The following PPEF2 variants were observed in gnomAD, a reference collection of about 807,000 sequenced individuals.
The protein encoded by PPEF2 is serine/threonine-protein phosphatase with EF-hands 2.
PPEF2 carries 84 observed loss-of-function variants against 84.7 expected under a neutral mutation model. The observed-to-expected ratio is 0.99, with a 90% CI of 0.83 to 1.19. The LOEUF (loss-of-function observed/expected upper bound fraction) is 1.19, where lower values mean the gene tolerates loss of function less well. Ranked by LOEUF, PPEF2 falls within the 50% of genes most tolerant of loss-of-function variation. The pLI, the probability that PPEF2 is intolerant of heterozygous loss-of-function variation, is 0.00. For synonymous variants in PPEF2, 346 were observed against 345.2 expected (o/e 1.00, Z -0.03); for missense variants, 924 against 937.5 (o/e 0.99, Z 0.19).
intron 4 of PPEF2, 98 bp downstream of exon 4, chr4:75,891,550 A>C: frequency 7.3e-7 from 1 of 1,362,814 alleles, no homozygotes; most frequent in Non-Finnish European, 1.0e-6. Flanking sequence ...CCTGGCTGTC[A>C]CCAGATTCAC....
intron 16 of PPEF2, among the ~76,000 whole-genome samples, chr4:75,863,186 T>C (rs1386656690): frequency 6.6e-6 from 1 of 151,890 alleles, no homozygotes; most frequent in Admixed American, 6.6e-5. Context: ...TGAGATTTCT[T>C]TCTGGGGTGA....
At chr4:75,885,751 C>G (rs368077878) in intron 7 of PPEF2, among the ~76,000 whole-genome samples, 1 of 152,050 alleles carries the variant, frequency 6.6e-6, no homozygotes, top group African/African-American at 2.4e-5. Context: ...TGGCTCACAC[C>G]GGTAATCCCA....
intron 5 of PPEF2, 40 bp from the exon 6 acceptor site, chr4:75,888,368 G>A: frequency 6.9e-7 from 1 of 1,456,396 alleles, no homozygotes; most frequent in Non-Finnish European, 9.6e-7. Context: ...AAACAACACT[G>A]ATATTCGTGA....
chr4:75,877,386 G>GAA (rs33913831), intron 10 of PPEF2, among the ~76,000 whole-genome samples: 10,215 of 150,496 alleles, frequency 0.068, 1,175 homozygotes, highest in African/African-American at 0.23. Context: ...AAGAGAGAAA[G>GAA]AAAGAAGAGG....
At chr4:75,888,810 A>C (rs1351998107) in intron 5 of PPEF2, among the ~76,000 whole-genome samples, 4 of 152,240 alleles carry the variant, frequency 2.6e-5, no homozygotes, top group African/African-American at 9.6e-5. Context: ...GTTCCAAGCC[A>C]CTGTCATCTT....
intron 10 of PPEF2, among the ~76,000 whole-genome samples, chr4:75,878,400 T>C (rs1048850212): frequency 6.6e-6 from 1 of 152,294 alleles, no homozygotes; most frequent in East Asian, 1.9e-4. Context: ...ATATCCACAA[T>C]AAAGGGCTTG....
intron 2 of PPEF2, among the ~76,000 whole-genome samples, chr4:75,893,994 C>T (rs1010108737): frequency 5.3e-5 from 8 of 152,024 alleles, no homozygotes; most frequent in African/African-American, 1.9e-4. Context: ...TTTTTAATAG[C>T]ACAATGCAAA....
In PPEF2 at chr4:75,890,002, CAGG is replaced by C. The variant is rs1560487336; in HGVS notation, c.369_371del (p.Leu124del). ...CTACCAGGGCAGTTGCATGGTCAGGCAGGAGTGGGAAGGAGAGGCGTGGCCCCG... is the reference window on the plus strand; with the variant it reads ...CTACCAGGGCAGTTGCATGGTCAGGCAGTGGGAAGGAGAGGCGTGGCCCCG... On this transcript the variant is annotated inframe_deletion, in exon 5 of 17. Coordinates refer to ENST00000286719, the MANE Select transcript of PPEF2 (RefSeq NM_006239.3). The C allele has an allele frequency of 1.2e-6, 2 of 1,614,120 alleles. No homozygotes were observed. Among genetic ancestry groups the C allele is most frequent in the Admixed American group, 3.3e-5 (2 of 59,994 alleles).
At chr4:75,863,434 A>G (rs1386864467) in intron 16 of PPEF2, among the ~76,000 whole-genome samples, 52 of 148,166 alleles carry the variant, frequency 3.5e-4, no homozygotes, top group African/African-American at 1.2e-3. Context: ...CGGGAGGTGG[A>G]GGTTGCAGTG....
chr4:75,899,499 C>T lies in PPEF2; in HGVS notation c.-59+2731G>A, dbSNP rs138779215. Reference sequence around the variant, plus strand: ...ACTGACTTAACATCAAGAGCGAATCCCACTTCTTTTACTCTTTTCTCTACC... The same window carrying T: ...ACTGACTTAACATCAAGAGCGAATCTCACTTCTTTTACTCTTTTCTCTACC... On this transcript the variant is annotated intron_variant, in intron 1 of 16. Transcript: ENST00000286719. Among the ~76,000 whole-genome samples the T allele has an allele frequency of 9.7e-4, 148 of 152,006 alleles. No individual in the cohort carries two copies. In the East Asian group the frequency reaches 0.022, roughly 23 times the overall value.
Position 75,860,608 on chromosome 4 carries a change from C to G in PPEF2, c.*59G>C. On this transcript the variant is annotated 3_prime_UTR_variant, in exon 17 of 17. Coordinates refer to ENST00000286719, the MANE Select transcript of PPEF2 (RefSeq NM_006239.3). ...TCACATGGAGAATAAGGGAGATAGT[C>G]TAGTGAGAAGCTGAGCATTGCCTAT... The G allele has an allele frequency of 6.3e-7, 1 of 1,591,578 alleles. No individual in the cohort carries two copies. The highest frequency in any genetic ancestry group is 8.6e-7 in the Non-Finnish European group (1 of 1,164,796).
Position 75,860,437 on chromosome 4 carries a change from T to C in PPEF2, c.*230A>G. 1.8e-6 allele frequency: 1 copy of C among 566,016 alleles called. No homozygotes were observed. The allele number at this position is 566,016 out of a possible 1,614,324, so 35.1% of individuals were successfully genotyped here. ...AGAATTTGAAAACACTATACCTAAG[T>C]TCTACTTTGTGAAGATTGTGAGGTG... On this transcript the variant is annotated 3_prime_UTR_variant, in exon 17 of 17. Transcript: ENST00000286719.
At chr4:75,880,541 A>G (rs909804436) in intron 10 of PPEF2, among the ~76,000 whole-genome samples, 1 of 152,174 alleles carries the variant, frequency 6.6e-6, no homozygotes, top group African/African-American at 2.4e-5. Flanking sequence ...TCCTTCTTCT[A>G]TGTTTACATA....
At chr4:75,891,332 G>T (rs540768993) in intron 4 of PPEF2, among the ~76,000 whole-genome samples, 1 of 152,098 alleles carries the variant, frequency 6.6e-6, no homozygotes, top group Non-Finnish European at 1.5e-5. Context: ...TGAGGCTTGC[G>T]TTTTGCACTG....
chr4:75,893,830 G>GACA (rs1724947193), intron 2 of PPEF2, among the ~76,000 whole-genome samples: 1 of 145,920 alleles, frequency 6.9e-6, no homozygotes, highest in African/African-American at 2.8e-5. Flanking sequence ...TGGCTACTCA[G>GACA]GCAGCAGAAG....
chr4:75,868,315 C>CAAAA (rs10646136), intron 13 of PPEF2, among the ~76,000 whole-genome samples: 988 of 55,706 alleles, frequency 0.018, 76 homozygotes, highest in African/African-American at 0.062. Context: ...GACCCTGTCT[C>CAAAA]AAAAAAAAAA....
intron 6 of PPEF2, among the ~76,000 whole-genome samples, chr4:75,887,654 G>A (rs1047852556): frequency 6.6e-6 from 1 of 151,018 alleles, no homozygotes; most frequent in Admixed American, 6.6e-5. Context: ...TATGAACATT[G>A]CAAGGCAGGC....
At chr4:75,880,988 G>A (rs548746329) in intron 10 of PPEF2, among the ~76,000 whole-genome samples, 1 of 151,558 alleles carries the variant, frequency 6.6e-6, no homozygotes, top group Non-Finnish European at 1.5e-5. Flanking sequence ...TTTTAGTAGA[G>A]ACGGGGTTTC....
chr4:75,890,156 T>C, intron 4 of PPEF2, 24 bp from the exon 5 acceptor site: 1 of 1,612,636 alleles, frequency 6.2e-7, no homozygotes, highest in Non-Finnish European at 8.5e-7. Context: ...AAAAGGTGGA[T>C]CAGCTTATGA....
Sources: allele counts gnomAD v4.1 joint callset (sites outside exome capture counted in the v4.1 genomes callset), GRCh38; gene constraint gnomAD v4.1.1; transcripts MANE v1.5; gene names NCBI Gene and HGNC (gene_info 2026-07-23, HGNC 2026-07-21).